Variants in ARHGAP21 observed in about 807,000 individuals in gnomAD.
ARHGAP21 encodes rho GTPase-activating protein 21.
A neutral mutation model predicts 164.6 loss-of-function variants in ARHGAP21; 38 were observed. The observed-to-expected ratio is 0.23, with a 90% CI of 0.18 to 0.30. The LOEUF is 0.30. Ranked by LOEUF, ARHGAP21 falls within the 10% of genes least tolerant of loss-of-function variation. ARHGAP21 has a pLI of 1.00. For synonymous variants in ARHGAP21, 766 were observed against 857.9 expected, an observed-to-expected ratio of 0.89 and a Z score of 1.87; for missense variants, 1,822 against 2,370.7, an observed-to-expected ratio of 0.77 and a Z score of 4.81.
intron 4 of ARHGAP21, among the ~76,000 whole-genome samples, chr10:24,640,452 T>G (rs1240196017): frequency 1.3e-5 from 2 of 152,094 alleles, no homozygotes; most frequent in Non-Finnish European, 2.9e-5. Flanking sequence ...TGGTATTTTT[T>G]CCATTGGTTT....
In ARHGAP21 at chr10:24,584,719, C is replaced by T. The variant is rs1307823723; in HGVS notation, c.5570G>A (p.Arg1857His). The T allele has an allele frequency of 5.0e-6, 8 of 1,613,912 alleles. No homozygotes were observed. The Admixed American group carries it at 6.7e-5, about 13-fold the overall frequency. ...AAGGTCAGAGGTACTGGTGCGTAGG[C>T]GTTCCCTGGCCAGCCAGTCTGAGAT... ...LSISDWLARERLRTSTSDLSR... is the reference protein window; with the variant it reads ...LSISDWLAREHLRTSTSDLSR... Residue 1857 changes from arginine to histidine, a missense_variant, in exon 26 of 26, where the codon CGC becomes CAC. Arg to His is a conservative substitution (Grantham distance 29). This residue lies in a region of ARHGAP21 where 165 missense variants were observed against 176.6 expected (regional missense o/e 0.93). Transcript: ENST00000396432.
rs1233034418 is a variant in ARHGAP21, at chr10:24,723,579, G to C, written c.-398C>G. On this transcript the variant is annotated 5_prime_UTR_variant, in exon 1 of 26. Transcript: ENST00000396432. Reference sequence around the variant, plus strand: ...ACACGCACCAGAGGAAGCGGGACGAGTGGATCCGCACGGGGCTGGCCGGCT... The same window carrying C: ...ACACGCACCAGAGGAAGCGGGACGACTGGATCCGCACGGGGCTGGCCGGCT... 3 of 146,828 alleles carry C rather than the reference G, an allele frequency of 2.0e-5. No individual in the cohort carries two copies. The highest frequency in any genetic ancestry group is 2.0e-4 in the Admixed American group (3 of 14,812). The allele number at this position is 146,828 out of a possible 1,614,324, so 9.1% of individuals were successfully genotyped here.
At chr10:24,623,462 A>G (rs1272136128) in intron 7 of ARHGAP21, among the ~76,000 whole-genome samples, 1 of 152,244 alleles carries the variant, frequency 6.6e-6, no homozygotes, top group Admixed American at 6.5e-5. Context: ...AAAGCTAGCC[A>G]TATAAAATAA....
chr10:24,600,139 A>AAAAAAAC (rs1262992906), intron 14 of ARHGAP21, among the ~76,000 whole-genome samples: 2 of 151,802 alleles, frequency 1.3e-5, no homozygotes, highest in Admixed American at 6.6e-5. Context: ...TTTCAAAAAA[A>AAAAAAAC]AAAAAAAAAA....
intron 2 of ARHGAP21, among the ~76,000 whole-genome samples, chr10:24,697,821 C>T (rs140956571): frequency 6.6e-6 from 1 of 151,858 alleles, no homozygotes; most frequent in Admixed American, 6.6e-5. Context: ...GATCGCACCA[C>T]TGCACTCCAG....
At chr10:24,659,589 A>G (rs925221871) in intron 4 of ARHGAP21, among the ~76,000 whole-genome samples, 1 of 152,236 alleles carries the variant, frequency 6.6e-6, no homozygotes, top group Non-Finnish European at 1.5e-5. Context: ...TGCTGGAATT[A>G]CAGGCGTAAG....
chr10:24,702,656 G>C (rs537269574), intron 2 of ARHGAP21, among the ~76,000 whole-genome samples: 1 of 151,668 alleles, frequency 6.6e-6, no homozygotes, highest in African/African-American at 2.4e-5. Flanking sequence ...GCAGAATCTC[G>C]GTTCACTGCA....
chr10:24,640,249 T>C (rs886249157), intron 4 of ARHGAP21: 4 of 151,482 alleles, frequency 2.6e-5, no homozygotes, highest in Non-Finnish European at 5.9e-5. Context: ...AATACTTGGA[T>C]GGGAGACTGC....
intron 8 of ARHGAP21, 60 bp from the exon 9 acceptor site, chr10:24,621,429 T>C: frequency 2.1e-6 from 3 of 1,412,764 alleles, no homozygotes; most frequent in African/African-American, 1.4e-5. Flanking sequence ...ATAATTTCCA[T>C]TTTTACAGTG....
chr10:24,616,023 C>T lies in ARHGAP21; in HGVS notation c.2422+3450G>A, dbSNP rs553731588. Among the ~76,000 whole-genome samples the T allele has an allele frequency of 3.3e-5, 5 of 152,300 alleles. No homozygotes were observed. The East Asian group carries it at 7.7e-4, about 24-fold the overall frequency. On this transcript the variant is annotated intron_variant, in intron 9 of 25. Transcript: ENST00000396432. The stretch of plus-strand genomic sequence containing the variant: ...GAACTCCCAACCTCAAGTGATCTGA[C>T]TGCCTCAGCCTCCCAAAGTGCTGGG...
At position 24,584,422 on chromosome 10, in the gene ARHGAP21, G is replaced by A; in HGVS notation, c.5867C>T (p.Pro1956Leu). The change falls in exon 26 of 26, where the codon CCC (proline) becomes CTC (leucine). Residue 1956 changes from proline to leucine, a missense_variant. Around this residue, in one of 5 missense-constraint regions of ARHGAP21, gnomAD observed 165 missense variants for 176.6 expected, o/e 0.93. Transcript: ENST00000396432. The part of the protein sequence containing the change: ...ETPGSKAEFH[P>L]CL ...GGACATACCCCCAGTTTAAAGACAGGGATGAAACTCTGCTTTACTGCCTGG... is the reference window on the plus strand; with the variant it reads ...GGACATACCCCCAGTTTAAAGACAGAGATGAAACTCTGCTTTACTGCCTGG... 2.5e-6 allele frequency: 4 copies of A among 1,605,408 alleles called. No homozygotes were observed. The highest frequency in any genetic ancestry group is 3.4e-6 in the Non-Finnish European group (4 of 1,175,884).
At chr10:24,710,744 A>G (rs942021526) in intron 2 of ARHGAP21, among the ~76,000 whole-genome samples, 1 of 152,162 alleles carries the variant, frequency 6.6e-6, no homozygotes, top group Non-Finnish European at 1.5e-5. Flanking sequence ...TATCTTGGGA[A>G]CAAAAGGGTC....
chr10:24,614,875 T>C (rs2077412256), intron 9 of ARHGAP21, among the ~76,000 whole-genome samples: 1 of 151,204 alleles, frequency 6.6e-6, no homozygotes, highest in South Asian at 2.1e-4. Flanking sequence ...TACAAAGAAA[T>C]TTAAAGTGTT....
At chr10:24,596,619 T>G in intron 17 of ARHGAP21, 121 bp downstream of exon 17, 1 of 1,377,348 alleles carries the variant, frequency 7.3e-7, no homozygotes, top group South Asian at 1.3e-5. Context: ...AACTAAGGTC[T>G]GCTATGAAAA....
At chr10:24,615,085 G>A (rs188726039) in intron 9 of ARHGAP21, among the ~76,000 whole-genome samples, 1 of 152,198 alleles carries the variant, frequency 6.6e-6, no homozygotes, top group African/African-American at 2.4e-5. Flanking sequence ...AGCTACTCGG[G>A]AGGCTGAGGC....
At position 24,584,634 on chromosome 10, in the gene ARHGAP21, C is replaced by G. The variant is rs142740605; in HGVS notation, c.5655G>C (p.Thr1885=). ...AATGAAGAGACAAAGGTGTGTCGGT[C>G]GTGGCTATTTCTCGTGTGCTTGGGT... ...TENPSTREIA[T]TDTPLSLHCN... Residue 1885 remains threonine (T), a synonymous_variant, in exon 26 of 26, where the codon ACG becomes ACC. Coordinates refer to ENST00000396432, the MANE Select transcript of ARHGAP21 (RefSeq NM_020824.4). 2.5e-6 allele frequency: 4 copies of G among 1,613,896 alleles called. No homozygotes were observed. In the East Asian group the frequency reaches 8.9e-5, roughly 36 times the overall value.
Position 24,591,491 on chromosome 10 carries a change from G to A in ARHGAP21, c.4044+151C>T, listed in dbSNP as rs535077593. 37 of 1,139,342 alleles carry A rather than the reference G, an allele frequency of 3.2e-5. No homozygotes were observed. In the South Asian group the frequency reaches 4.9e-4, roughly 15 times the overall value. The allele number at this position is 1,139,342 out of a possible 1,614,324, so 70.6% of individuals were successfully genotyped here. Reference sequence around the variant, plus strand: ...TAACTGCAAAATAAGCACCGTACTTGTATATTCATTAGATCAGAAACTGAG... The same window carrying A: ...TAACTGCAAAATAAGCACCGTACTTATATATTCATTAGATCAGAAACTGAG... On this transcript the variant is annotated intron_variant, in intron 23 of 25. Coordinates refer to ENST00000396432, the MANE Select transcript of ARHGAP21 (RefSeq NM_020824.4).
At chr10:24,605,387 G>T (rs1457715784) in intron 11 of ARHGAP21, among the ~76,000 whole-genome samples, 4 of 152,188 alleles carry the variant, frequency 2.6e-5, no homozygotes, top group African/African-American at 9.7e-5. Flanking sequence ...ATCTTTGCAG[G>T]AAACAGTGTG....
rs1318122644 is a variant in ARHGAP21 at position 24,607,813 on chromosome 10, A to G, written c.2513T>C (p.Ile838Thr). 1.7e-5 allele frequency: 27 copies of G among 1,614,030 alleles called. No homozygotes were observed. The highest frequency in any genetic ancestry group is 2.1e-5 in the Non-Finnish European group (25 of 1,180,020). ...ISASTSQVPS[I>T]ATVPPCLTTS... ...TGTGAGGCAAGGAGGAACTGTTGCT[A>G]TGGAGGGGACCTGAGAGGTAGAGGC... is the stretch of plus-strand genomic sequence containing the variant. Residue 838 changes from isoleucine to threonine, a missense_variant, in exon 10 of 26, where the codon ATA becomes ACA. Physicochemically the swap from Ile to Thr is moderately conservative, Grantham distance 89. This residue lies in a region of ARHGAP21 where 1,090 missense variants were observed against 1,378.9 expected (regional missense o/e 0.79). Transcript: ENST00000396432.
Sources: allele counts gnomAD v4.1 joint callset (sites outside exome capture counted in the v4.1 genomes callset), GRCh38; gene constraint gnomAD v4.1.1; regional missense constraint gnomAD v4.1.1; transcripts MANE v1.5; gene names NCBI Gene and HGNC (gene_info 2026-07-23, HGNC 2026-07-21).